The following SPRR2G variants were observed in gnomAD, a reference collection of about 807,000 sequenced individuals.
The protein encoded by SPRR2G is small proline rich protein 2G.
SPRR2G carries 1 observed loss-of-function variant against 0.7 expected under a neutral mutation model. The ratio of observed to expected loss-of-function variants is 1.49; its 90% CI spans 0.53 to 7.06. The LOEUF (loss-of-function observed/expected upper bound fraction) is 7.06. Among genes scored for constraint, SPRR2G ranks in the 30% most tolerant of loss-of-function variants. SPRR2G has a pLI of 0.14. For synonymous variants in SPRR2G, 38 were observed against 33.9 expected (o/e 1.12, Z -0.42); for missense variants, 96 against 88.5 (o/e 1.09, Z -0.34).
At chr1:153,177,308 G>A in the SPRR2G span, among the ~76,000 whole-genome samples, 24 of 152,226 alleles carry the variant, frequency 1.6e-4, no homozygotes, top group Non-Finnish European at 2.6e-4. Flanking sequence ...AAGTTGTTAC[G>A]AATATTTATG....
upstream of SPRR2G, among the ~76,000 whole-genome samples, chr1:153,153,799 C>T (rs1009945595): frequency 1.3e-5 from 2 of 152,060 alleles, no homozygotes; most frequent in Non-Finnish European, 2.9e-5. Flanking sequence ...TATGCTGCTA[C>T]TACATAATAT....
chr1:153,170,137 T>G, the SPRR2G span, among the ~76,000 whole-genome samples: 1 of 152,234 alleles, frequency 6.6e-6, no homozygotes, highest in Non-Finnish European at 1.5e-5. Context: ...TGTATAAATT[T>G]TCTTCGAGTA....
chr1:153,170,222 GT>G, the SPRR2G span, among the ~76,000 whole-genome samples: 1 of 152,132 alleles, frequency 6.6e-6, no homozygotes, highest in African/African-American at 2.4e-5. Flanking sequence ...GGTAACCTCA[GT>G]TTAAGTTGTT....
At chr1:153,191,163 A>T in the SPRR2G span, 1 of 152,252 alleles carries the variant, frequency 6.6e-6, no homozygotes, top group Admixed American at 6.5e-5. Flanking sequence ...CCTCTACATG[A>T]GGCACCTATC....
the SPRR2G span, among the ~76,000 whole-genome samples, chr1:153,198,288 A>G: frequency 6.2e-3 from 947 of 152,316 alleles, 13 homozygotes; most frequent in African/African-American, 0.022. Flanking sequence ...CAGATTAGTA[A>G]GAGTTTTGTT....
chr1:153,195,983 C>T, the SPRR2G span, among the ~76,000 whole-genome samples: 4 of 152,212 alleles, frequency 2.6e-5, no homozygotes, highest in Admixed American at 1.3e-4. Flanking sequence ...GACAAAAGTA[C>T]ACTCAGGACC....
the SPRR2G span, among the ~76,000 whole-genome samples, chr1:153,181,500 CT>C: frequency 6.6e-6 from 1 of 152,092 alleles, no homozygotes; most frequent in African/African-American, 2.4e-5. Flanking sequence ...GTCATTAGAA[CT>C]TGTTTATTCT....
At chr1:153,200,697 A>G in the SPRR2G span, among the ~76,000 whole-genome samples, 1 of 125,508 alleles carries the variant, frequency 8.0e-6, no homozygotes, top group African/African-American at 3.0e-5. Context: ...GGATGAAAGC[A>G]GGATTTTTTT....
the SPRR2G span, among the ~76,000 whole-genome samples, chr1:153,158,102 A>G: frequency 0.032 from 4,907 of 152,212 alleles, 504 homozygotes; most frequent in East Asian, 0.35. Context: ...CCCAAATCTC[A>G]TGTCCTTTTC....
the SPRR2G span, among the ~76,000 whole-genome samples, chr1:153,161,478 CT>C: frequency 6.5e-4 from 29 of 44,690 alleles, 6 homozygotes; most frequent in African/African-American, 1.4e-3. Context: ...TATCAACCCC[CT>C]ATCACATGTA....
chr1:153,189,879 T>C, the SPRR2G span, among the ~76,000 whole-genome samples: 1 of 151,930 alleles, frequency 6.6e-6, no homozygotes, highest in East Asian at 1.9e-4. Flanking sequence ...GACACTGCAG[T>C]TCCTAGCCAT....
At chr1:153,181,234 A>T in the SPRR2G span, among the ~76,000 whole-genome samples, 2 of 151,862 alleles carry the variant, frequency 1.3e-5, no homozygotes, top group Non-Finnish European at 2.9e-5. Flanking sequence ...CAGAGTTTAG[A>T]ATTTTGTTTG....
chr1:153,158,969 A>G, the SPRR2G span, among the ~76,000 whole-genome samples: 1 of 152,204 alleles, frequency 6.6e-6, no homozygotes, highest in Non-Finnish European at 1.5e-5. Context: ...CCAAGGCTGC[A>G]CTGAGCAGTG....
chr1:153,198,976 A>G, the SPRR2G span, among the ~76,000 whole-genome samples: 1 of 152,170 alleles, frequency 6.6e-6, no homozygotes, highest in Non-Finnish European at 1.5e-5. Flanking sequence ...TACCCATGTC[A>G]CAGAGGACCA....
At chr1:153,201,576 T>C in the SPRR2G span, among the ~76,000 whole-genome samples, 4 of 152,128 alleles carry the variant, frequency 2.6e-5, no homozygotes, top group African/African-American at 9.7e-5. Context: ...TGAACAATAT[T>C]ATGGAAGAAA....
chr1:153,169,672 AAAACTTC>A, the SPRR2G span, among the ~76,000 whole-genome samples: 1 of 152,196 alleles, frequency 6.6e-6, no homozygotes, highest in Non-Finnish European at 1.5e-5. Flanking sequence ...CAGAAGGCTG[AAAACTTC>A]AGCCTTCCAT....
chr1:153,202,697 C>A, the SPRR2G span, among the ~76,000 whole-genome samples: 1 of 152,182 alleles, frequency 6.6e-6, no homozygotes, highest in East Asian at 1.9e-4. Context: ...CCCCATCTCC[C>A]AATCCATCCT....
At chr1:153,192,312 C>T in the SPRR2G span, among the ~76,000 whole-genome samples, 378 of 152,292 alleles carry the variant, frequency 2.5e-3, 1 homozygote, top group African/African-American at 8.7e-3. Context: ...TCCTTGGGAG[C>T]TAATCATATT....
At chr1:153,189,216 TC>T in the SPRR2G span, among the ~76,000 whole-genome samples, 2 of 152,206 alleles carry the variant, frequency 1.3e-5, no homozygotes, top group Non-Finnish European at 2.9e-5. Context: ...AACTTGAATT[TC>T]CATTTTACTT....
Sources: allele counts gnomAD v4.1 joint callset (sites outside exome capture counted in the v4.1 genomes callset), GRCh38; gene constraint gnomAD v4.1.1; transcripts MANE v1.5; gene names NCBI Gene and HGNC (gene_info 2026-07-23, HGNC 2026-07-21).